Variants in THADA observed in about 807,000 individuals in gnomAD.
THADA encodes THADA armadillo repeat containing, also known as tRNA (32-2'-O)-methyltransferase regulator THADA.
A neutral mutation model predicts 219.8 loss-of-function variants in THADA; 213 were observed. The ratio of observed to expected loss-of-function variants is 0.97; its 90% confidence interval spans 0.87 to 1.09. The LOEUF (loss-of-function observed/expected upper bound fraction) is 1.09, where lower values mean the gene tolerates loss of function less well. THADA is among the 50% of genes least tolerant of loss of function. The pLI is 0.00. For synonymous variants in THADA, 1,018 were observed against 828.9 expected, an observed-to-expected ratio of 1.23 and a Z score of -3.92; for missense variants, 2,956 against 2,311.3, an observed-to-expected ratio of 1.28 and a Z score of -5.72.
At chr2:43,265,990 CAG>C (rs1223009361) in intron 36 of THADA, among the ~76,000 whole-genome samples, 5 of 106,426 alleles carry the variant, frequency 4.7e-5, no homozygotes, top group Admixed American at 2.0e-4. Context: ...CACACACACA[CAG>C]ACTCTTGAGG....
chr2:43,257,385 A>G (rs1016245809), intron 36 of THADA, among the ~76,000 whole-genome samples: 1 of 152,222 alleles, frequency 6.6e-6, no homozygotes, highest in Non-Finnish European at 1.5e-5. Context: ...ACTGCATAGG[A>G]GTCAGGCAAT....
intron 28 of THADA, among the ~76,000 whole-genome samples, chr2:43,412,881 C>T (rs1676465803): frequency 6.6e-6 from 1 of 152,146 alleles, no homozygotes; most frequent in Non-Finnish European, 1.5e-5. Flanking sequence ...TAAATCCCTA[C>T]ATCTTCTAGC....
intron 35 of THADA, among the ~76,000 whole-genome samples, chr2:43,286,188 G>T (rs959309972): frequency 1.3e-5 from 2 of 152,160 alleles, no homozygotes; most frequent in Non-Finnish European, 2.9e-5. Context: ...TTAATTTAGA[G>T]AACTGTTCCC....
chr2:43,374,493 T>C (rs1288249245), intron 29 of THADA, among the ~76,000 whole-genome samples: 2 of 152,210 alleles, frequency 1.3e-5, no homozygotes, highest in African/African-American at 4.8e-5. Context: ...GGACTAATAG[T>C]ATTATTACAA....
Position 43,572,488 on chromosome 2 carries a change from G to C in THADA, c.1908+326C>G, listed in dbSNP as rs1293327272. Among the ~76,000 whole-genome samples the C allele has an allele frequency of 2.6e-5, 4 of 152,192 alleles. No individual in the cohort carries two copies. In the East Asian group the frequency reaches 7.7e-4, roughly 29 times the overall value. On this transcript the variant is annotated intron_variant, in intron 12 of 37. Coordinates refer to ENST00000405975, the MANE Select transcript of THADA (RefSeq NM_022065.5). ...TCATATCTATCACTTTCCTAATCAA[G>C]CACCACCTGCTCTGATCAGTCTCTT...
At chr2:43,403,673 G>C (rs1238964061) in intron 28 of THADA, among the ~76,000 whole-genome samples, 1 of 151,976 alleles carries the variant, frequency 6.6e-6, no homozygotes, top group Admixed American at 6.6e-5. Context: ...TTTCAGGTGA[G>C]GCTATACCAT....
intron 30 of THADA, among the ~76,000 whole-genome samples, chr2:43,331,946 C>T (rs1481065733): frequency 2.6e-5 from 4 of 151,948 alleles, no homozygotes; most frequent in African/African-American, 7.3e-5. Flanking sequence ...CACACACACA[C>T]ATTAGGTTCC....
At chr2:43,294,836 AAAAG>A (rs909907187) in intron 31 of THADA, among the ~76,000 whole-genome samples, 15 of 146,116 alleles carry the variant, frequency 1.0e-4, no homozygotes, top group South Asian at 2.3e-4. Context: ...AAAAAGGCAA[AAAAG>A]AAAGAAAAAA....
chr2:43,522,726 G>A (rs1692654939), intron 22 of THADA, among the ~76,000 whole-genome samples: 1 of 152,144 alleles, frequency 6.6e-6, no homozygotes, highest in Non-Finnish European at 1.5e-5. Flanking sequence ...GCTTAAAAAT[G>A]AAAATAAAAA....
chr2:43,332,356 C>T (rs1367955532), intron 30 of THADA, among the ~76,000 whole-genome samples: 1 of 152,196 alleles, frequency 6.6e-6, no homozygotes, highest in African/African-American at 2.4e-5. Context: ...TTTATTTCTC[C>T]CTTCTCTGCT....
chr2:43,348,787 T>C (rs920986322), intron 29 of THADA, among the ~76,000 whole-genome samples: 1 of 152,120 alleles, frequency 6.6e-6, no homozygotes, highest in Non-Finnish European at 1.5e-5. Context: ...GGAGGGGAAT[T>C]AATGAGTTTG....
At chr2:43,592,717 A>G in intron 1 of THADA, 1 of 198,684 alleles carries the variant, frequency 5.0e-6, no homozygotes, top group Non-Finnish European at 1.0e-5. Flanking sequence ...CTTATTACTG[A>G]CTGAAGTTAT....
At chr2:43,359,842 T>C (rs1198709294) in intron 29 of THADA, among the ~76,000 whole-genome samples, 3 of 151,808 alleles carry the variant, frequency 2.0e-5, no homozygotes, top group South Asian at 2.1e-4. Context: ...CAGGCTGGAC[T>C]CAAACTCCTA....
At chr2:43,560,615 G>C (rs1432606193) in intron 15 of THADA, among the ~76,000 whole-genome samples, 13 of 152,160 alleles carry the variant, frequency 8.5e-5, no homozygotes, top group African/African-American at 3.1e-4. Context: ...ATTATCTTTT[G>C]AAAGATACTA....
chr2:43,413,213 T>C (rs1314154078), intron 28 of THADA, among the ~76,000 whole-genome samples: 2 of 152,122 alleles, frequency 1.3e-5, no homozygotes, highest in Admixed American at 6.6e-5. Flanking sequence ...CTTCCTTCTT[T>C]CTATCCTAAA....
chr2:43,399,042 A>C (rs1411986461), intron 28 of THADA, among the ~76,000 whole-genome samples: 1 of 152,200 alleles, frequency 6.6e-6, no homozygotes, highest in Non-Finnish European at 1.5e-5. Flanking sequence ...CTTCACAAAC[A>C]ATCAGAAACT....
intron 26 of THADA, among the ~76,000 whole-genome samples, chr2:43,445,139 C>G (rs551070796): frequency 6.6e-6 from 1 of 152,266 alleles, no homozygotes; most frequent in Non-Finnish European, 1.5e-5. Context: ...GTCTCCTCAC[C>G]ACAGTGATTG....
chr2:43,550,751 T>C (rs944299557), intron 19 of THADA, among the ~76,000 whole-genome samples: 1 of 152,202 alleles, frequency 6.6e-6, no homozygotes, highest in Non-Finnish European at 1.5e-5. Flanking sequence ...TATGGGTACT[T>C]TGCTGACCCA....
At chr2:43,447,920 T>C (rs1681789347) in intron 26 of THADA, among the ~76,000 whole-genome samples, 1 of 152,228 alleles carries the variant, frequency 6.6e-6, no homozygotes, top group Admixed American at 6.5e-5. Context: ...TTTATATATA[T>C]ATATTCCTAA....
Sources: gnomAD v4.1 joint callset for allele counts (sites outside exome capture counted in the v4.1 genomes callset) on GRCh38, gnomAD v4.1.1 for gene constraint, MANE v1.5 for transcripts, NCBI Gene and HGNC (gene_info 2026-07-23, HGNC 2026-07-21) for gene names.